The following PARD3 variants were observed in gnomAD, a reference collection of about 807,000 sequenced individuals.
PARD3 encodes the protein partitioning defective 3 homolog.
PARD3 carries 75 observed loss-of-function variants against 155.4 expected under a neutral mutation model. That is an observed-to-expected ratio of 0.48 (90% confidence interval 0.40 to 0.58). The LOEUF is 0.58. Among genes scored for constraint, PARD3 ranks in the 20% least tolerant of loss-of-function variants. The pLI, the probability that PARD3 is intolerant of heterozygous loss-of-function variation, is 0.00. For synonymous variants in PARD3, 576 were observed against 610.5 expected, an observed-to-expected ratio of 0.94 and a Z score of 0.83; for missense variants, 1,642 against 1,721.7, an observed-to-expected ratio of 0.95 and a Z score of 0.82.
At chr10:34,160,587 G>C (rs1173053446) in intron 22 of PARD3, among the ~76,000 whole-genome samples, 9 of 152,330 alleles carry the variant, frequency 5.9e-5, no homozygotes, top group African/African-American at 2.2e-4. Flanking sequence ...TTTACAGACT[G>C]TGTTCTTGCA....
At chr10:34,755,786 T>C in intron 1 of PARD3, among the ~76,000 whole-genome samples, 1 of 152,046 alleles carries the variant, frequency 6.6e-6, no homozygotes, top group East Asian at 1.9e-4. Flanking sequence ...TTGCCATTTT[T>C]CCCCTTCTGT....
At chr10:34,778,438 A>G (rs1286080249) in intron 1 of PARD3, among the ~76,000 whole-genome samples, 2 of 152,224 alleles carry the variant, frequency 1.3e-5, no homozygotes, top group African/African-American at 2.4e-5. Flanking sequence ...TCATGAATGA[A>G]GGGGAACAGA....
At chr10:34,478,630 G>A (rs879915761) in intron 3 of PARD3, among the ~76,000 whole-genome samples, 9 of 151,944 alleles carry the variant, frequency 5.9e-5, no homozygotes, top group South Asian at 4.2e-4. Context: ...TGCAACCTCC[G>A]CCTCCCAGGT....
intron 22 of PARD3, among the ~76,000 whole-genome samples, chr10:34,190,789 C>T (rs1328596763): frequency 2.0e-5 from 3 of 152,118 alleles, no homozygotes; most frequent in African/African-American, 7.2e-5. Context: ...AAAAAACTCT[C>T]TGAGGAGTAG....
chr10:34,411,386 G>A (rs147311518), intron 5 of PARD3, among the ~76,000 whole-genome samples: 259 of 152,238 alleles, frequency 1.7e-3, no homozygotes, highest in Admixed American at 2.9e-3. Context: ...TTTTGAAAGA[G>A]ATTAACATTT....
At chr10:34,120,910 TAGTC>T (rs759714215) in intron 23 of PARD3, among the ~76,000 whole-genome samples, 1 of 151,934 alleles carries the variant, frequency 6.6e-6, no homozygotes, top group Non-Finnish European at 1.5e-5. Flanking sequence ...TTTTAAAAAT[TAGTC>T]AGGTGCAGTG....
intron 22 of PARD3, among the ~76,000 whole-genome samples, chr10:34,177,243 A>T (rs1349465544): frequency 6.6e-6 from 1 of 152,180 alleles, no homozygotes; most frequent in Non-Finnish European, 1.5e-5. Context: ...AGCCCAGCAG[A>T]TGTGGAAGGT....
At chr10:34,537,267 G>C (rs139499715) in intron 2 of PARD3, among the ~76,000 whole-genome samples, 38 of 152,306 alleles carry the variant, frequency 2.5e-4, no homozygotes, top group African/African-American at 8.2e-4. Context: ...GCCTCCCAAA[G>C]CACTGGGATG....
At chr10:34,676,774 AC>A (rs2133295772) in intron 2 of PARD3, among the ~76,000 whole-genome samples, 1 of 152,304 alleles carries the variant, frequency 6.6e-6, no homozygotes, top group South Asian at 2.1e-4. Context: ...TAAATTCTCA[AC>A]TGGCAAATAC....
At chr10:34,793,625 A>C (rs545077122) in intron 1 of PARD3, among the ~76,000 whole-genome samples, 4,703 of 152,266 alleles carry the variant, frequency 0.031, 246 homozygotes, top group African/African-American at 0.11. Context: ...CATCTCTACT[A>C]AAAATGCAAA....
rs116074757 is a variant in PARD3, at chr10:34,154,092, G to A, written c.3420-22509C>T. ...ACTAAAAAGAAACATCAATTTATTA[G>A]GAGATAAAACTTGTTCTCCAGTAAT... is the stretch of plus-strand genomic sequence containing the variant. On this transcript the variant is annotated intron_variant, in intron 22 of 24. Coordinates refer to ENST00000374788, the MANE Select transcript of PARD3 (RefSeq NM_001184785.2). 4.9e-3 allele frequency among the ~76,000 whole-genome samples: 749 copies of A among 152,222 alleles called. 6 individuals are homozygous for A. The highest frequency in any genetic ancestry group is 0.017 in the African/African-American group (710 of 41,534).
intron 4 of PARD3, among the ~76,000 whole-genome samples, chr10:34,463,350 GGGGAA>G (rs1223754660): frequency 3.9e-4 from 45 of 115,350 alleles, no homozygotes; most frequent in African/African-American, 1.5e-3. Context: ...GGAAGGGGAA[GGGGAA>G]GGGGAGGGGA....
chr10:34,514,371 C>T (rs1355962794), intron 3 of PARD3, among the ~76,000 whole-genome samples: 1 of 152,164 alleles, frequency 6.6e-6, no homozygotes, highest in Admixed American at 6.5e-5. Context: ...ATAGCAAGCG[C>T]CAGGCCTTAT....
rs139646832 is a variant in PARD3 at position 34,554,924 on chromosome 10, A to C, written c.223-37765T>G. Among the ~76,000 whole-genome samples, 440 of 152,340 alleles carry C rather than the reference A, an allele frequency of 2.9e-3. 1 individual carries two copies. Among genetic ancestry groups the C allele is most frequent in the African/African-American group, 9.6e-3 (399 of 41,566 alleles). ...TCTAGCATTTCAGAATCTATTACTT[A>C]ATCAAGGGTAAGCAGATATAGTCTT... On this transcript the variant is annotated intron_variant, in intron 2 of 24. Coordinates refer to ENST00000374788, the MANE Select transcript of PARD3 (RefSeq NM_001184785.2).
intron 2 of PARD3, among the ~76,000 whole-genome samples, chr10:34,541,240 C>G (rs982562001): frequency 6.6e-6 from 1 of 152,170 alleles, no homozygotes; most frequent in Non-Finnish European, 1.5e-5. Flanking sequence ...ACTGATATTT[C>G]ACACATGGTA....
intron 22 of PARD3, among the ~76,000 whole-genome samples, chr10:34,168,913 C>G (rs1380241390): frequency 1.3e-5 from 2 of 152,238 alleles, no homozygotes; most frequent in Non-Finnish European, 2.9e-5. Flanking sequence ...AACAAATCCA[C>G]TTTCTATACT....
At chr10:34,798,162 GA>G (rs11340214) in intron 1 of PARD3, among the ~76,000 whole-genome samples, 53,185 of 149,112 alleles carry the variant, frequency 0.36, 10,485 homozygotes, top group African/African-American at 0.55. Context: ...TCTACAAAAA[GA>G]AAAAAAAAAT....
chr10:34,815,028 C>A lies in PARD3; in HGVS notation c.-33G>T, dbSNP rs755429210. 14 of 1,374,242 alleles carry A rather than the reference C, an allele frequency of 1.0e-5. No individual in the cohort carries two copies. Among genetic ancestry groups the A allele is most frequent in the Non-Finnish European group, 1.3e-5 (14 of 1,057,652 alleles). 85.1% of individuals were successfully genotyped at this position (1,374,242 alleles called of 1,614,324 possible). A position where few individuals can be genotyped will look rare whatever the true frequency, so the allele number is the denominator to read the frequency against. On this transcript the variant is annotated 5_prime_UTR_variant, in exon 1 of 25. Coordinates refer to ENST00000374788, the MANE Select transcript of PARD3 (RefSeq NM_001184785.2). ...CCGCCGCGGGCGGGCCCGCGCCCCT[C>A]GCCGAGCGCAGCCGGAGCAGCCGAG...
At chr10:34,169,906 CTGCAGGGT>C (rs1949709049) in intron 22 of PARD3, among the ~76,000 whole-genome samples, 1 of 152,176 alleles carries the variant, frequency 6.6e-6, no homozygotes, top group Admixed American at 6.5e-5. Flanking sequence ...CAGGATGTAT[CTGCAGGGT>C]GCCCAGCAAA....
Sources: allele counts gnomAD v4.1 joint callset (sites outside exome capture counted in the v4.1 genomes callset), GRCh38; gene constraint gnomAD v4.1.1; transcripts MANE v1.5; gene names NCBI Gene and HGNC (gene_info 2026-07-23, HGNC 2026-07-21).